Variants in HSPG2 observed in about 807,000 individuals in gnomAD.
HSPG2 encodes the protein basement membrane-specific heparan sulfate proteoglycan core protein.
HSPG2 carries 278 observed loss-of-function variants against 526.6 expected under a neutral mutation model. The ratio of observed to expected loss-of-function variants is 0.53; its 90% CI spans 0.48 to 0.58. The LOEUF (loss-of-function observed/expected upper bound fraction) is 0.58, where lower values mean the gene tolerates loss of function less well. Ranked by LOEUF, HSPG2 falls within the 20% of genes least tolerant of loss-of-function variation. The pLI is 0.00. For synonymous variants in HSPG2, 2,465 were observed against 2,555.4 expected (o/e 0.96, Z 1.07); for missense variants, 5,354 against 6,099.5 (o/e 0.88, Z 4.07).
intron 91 of HSPG2, 90 bp downstream of exon 91, chr1:21,827,773 G>T: frequency 7.4e-7 from 1 of 1,352,074 alleles, no homozygotes; most frequent in Non-Finnish European, 1.0e-6. Context: ...ATATAAAGCT[G>T]TTTTGCTTGC....
chr1:21,875,982 T>C lies in HSPG2; in HGVS notation c.3064A>G (p.Thr1022Ala). Reference sequence around the variant, plus strand: ...ACCAACGGCTGCCCGTGCAGGGGTGTGGAGCCCGGCTGGGACCTCTGGGTC... The same window carrying C: ...ACCAACGGCTGCCCGTGCAGGGGTGCGGAGCCCGGCTGGGACCTCTGGGTC... ...TVTQRSQPGS[T>A]PLHGQPLVVL... Residue 1022 changes from threonine (T) to alanine (A), a missense_variant, in exon 24 of 97, where the codon ACA becomes GCA. Thr to Ala is a moderately conservative substitution (Grantham distance 58). Coordinates refer to ENST00000374695, the MANE Select transcript of HSPG2 (RefSeq NM_005529.7). The C allele has an allele frequency of 6.2e-7, 1 of 1,614,174 alleles. No homozygotes were observed. The highest frequency in any genetic ancestry group is 8.5e-7 in the Non-Finnish European group (1 of 1,180,028).
At chr1:21,856,726 C>T (rs899155073) in intron 44 of HSPG2, among the ~76,000 whole-genome samples, 12 of 152,152 alleles carry the variant, frequency 7.9e-5, no homozygotes, top group Non-Finnish European at 5.9e-5. Context: ...CTTCTCCCAC[C>T]TTGTTTCTTG....
intron 13 of HSPG2, 63 bp downstream of exon 13, chr1:21,884,465 C>A (rs1641725903): frequency 2.5e-6 from 4 of 1,600,594 alleles, no homozygotes; most frequent in Non-Finnish European, 2.6e-6. Context: ...ATCCTCTGTG[C>A]CCCCTGGGTA....
intron 6 of HSPG2, 78 bp downstream of exon 6, chr1:21,889,903 G>C (rs1051241092): frequency 9.6e-6 from 14 of 1,464,568 alleles, no homozygotes; most frequent in Non-Finnish European, 1.2e-5. Context: ...AGCCCAAGTT[G>C]GGAGCCTATG....
chr1:21,841,321 A>C (rs1172022750), intron 70 of HSPG2, 36 bp from the exon 71 acceptor site: 2 of 1,611,288 alleles, frequency 1.2e-6, no homozygotes, highest in Admixed American at 3.3e-5. Flanking sequence ...ACACACAGGC[A>C]GGGCTCTGCT....
chr1:21,828,907 C>T lies in HSPG2; in HGVS notation c.12165G>A (p.Gly4055=), dbSNP rs1359110149. The part of the protein sequence containing the change: ...GLNLHTLLYL[G]GVEPSVPLSP... ...ACAGTGGCACGGAAGGCTCCACACC[C>T]CCCAGGTAGAGCAGGGTGTGCAGGT... The change falls in exon 88 of 97, where the codon GGG becomes GGA. Residue 4055 remains glycine, a synonymous_variant. Coordinates refer to ENST00000374695, the MANE Select transcript of HSPG2 (RefSeq NM_005529.7). This position sits in a 1 kb window ranked among gnomAD's most constrained non-coding sequence, Gnocchi z 6.0. 6.4e-7 allele frequency: 1 copy of T among 1,560,312 alleles called. No homozygotes were observed. The highest frequency in any genetic ancestry group is 8.7e-7 in the Non-Finnish European group (1 of 1,152,108).
chr1:21,881,633 C>T, intron 13 of HSPG2, 131 bp from the exon 14 acceptor site: 2 of 883,004 alleles, frequency 2.3e-6, no homozygotes, highest in Non-Finnish European at 3.5e-6. Flanking sequence ...TTTGATCTCT[C>T]TTCCAAAGTG....
intron 1 of HSPG2, chr1:21,908,191 C>T (rs1572426029): frequency 9.3e-6 from 8 of 856,192 alleles, no homozygotes; most frequent in Admixed American, 3.4e-5. Flanking sequence ...CACGTATATG[C>T]GAATCTATAA....
intron 29 of HSPG2, 38 bp downstream of exon 29, chr1:21,873,887 T>C: frequency 6.6e-7 from 1 of 1,512,578 alleles, no homozygotes; most frequent in Non-Finnish European, 9.0e-7. Flanking sequence ...GGACACCCCC[T>C]GTGCGCATCC....
intron 1 of HSPG2, among the ~76,000 whole-genome samples, chr1:21,926,275 A>G (rs1033244573): frequency 6.6e-6 from 1 of 152,130 alleles, no homozygotes; most frequent in Admixed American, 6.5e-5. Context: ...TTTTAATGAG[A>G]AGGTGTCAGC....
Position 21,898,956 on chromosome 1 carries a change from T to G in HSPG2, c.64-2646A>C, listed in dbSNP as rs1391755085. On this transcript the variant is annotated intron_variant, in intron 1 of 96. Coordinates refer to ENST00000374695, the MANE Select transcript of HSPG2 (RefSeq NM_005529.7). The surrounding 1 kb of genome is among the most constrained non-coding windows in gnomAD (Gnocchi z 4.0). The stretch of plus-strand genomic sequence containing the variant: ...CAGCGGGTGGCGGCGGGGGTGGCCT[T>G]GGGACCAGACAGGAAATAGCAAAGT... Among the ~76,000 whole-genome samples, 2 of 152,160 alleles carry G rather than the reference T, an allele frequency of 1.3e-5. No homozygotes were observed. The highest frequency in any genetic ancestry group is 2.9e-5 in the Non-Finnish European group (2 of 68,024).
At chr1:21,884,953 C>T (rs1292365648) in intron 11 of HSPG2, 35 bp from the exon 12 acceptor site, 1 of 1,613,972 alleles carries the variant, frequency 6.2e-7, no homozygotes, top group Non-Finnish European at 8.5e-7. Context: ...AGGATCTGGC[C>T]TAGGGCTCTG....
chr1:21,870,845 G>A (rs779015654), intron 33 of HSPG2: 19 of 986,086 alleles, frequency 1.9e-5, no homozygotes, highest in Non-Finnish European at 2.0e-5. Flanking sequence ...TGGTGAGCCC[G>A]GCGCATCCGC....
intron 6 of HSPG2, chr1:21,888,599 C>A: frequency 1.6e-6 from 2 of 1,212,858 alleles, no homozygotes; most frequent in South Asian, 1.3e-5. Flanking sequence ...AGCCCCTGCA[C>A]CCGGCCTCCT....
At chr1:21,899,286 C>A (rs865816114) in intron 1 of HSPG2, among the ~76,000 whole-genome samples, 1 of 152,090 alleles carries the variant, frequency 6.6e-6, no homozygotes, top group African/African-American at 2.4e-5. Flanking sequence ...GCAGATGGAA[C>A]CAGACAGGAA....
At chr1:21,928,663 G>T (rs528081417) in intron 1 of HSPG2, among the ~76,000 whole-genome samples, 1 of 152,016 alleles carries the variant, frequency 6.6e-6, no homozygotes, top group Non-Finnish European at 1.5e-5. Context: ...GGCTGGTCTC[G>T]AACTCCTGAC....
In HSPG2 at chr1:21,829,460, T is replaced by C. The variant is rs2097992223; in HGVS notation, c.11915A>G (p.Lys3972Arg). ...PDGVLLFSGG[K>R]SGPVEDFVSL... ...CACGAAGTCCTCCACAGGCCCGCTCTTCCCCCCGCTGAACAGCAGGACCCC... is the reference window on the plus strand; with the variant it reads ...CACGAAGTCCTCCACAGGCCCGCTCCTCCCCCCGCTGAACAGCAGGACCCC... Residue 3972 changes from lysine (K) to arginine (R), a missense_variant, in exon 87 of 97, where the codon AAG (lysine) becomes AGG (arginine). By Grantham distance (26) the Lys-to-Arg change is conservative (BLOSUM62 2). Coordinates refer to ENST00000374695, the MANE Select transcript of HSPG2 (RefSeq NM_005529.7). 1 of 1,613,324 alleles carries C rather than the reference T, an allele frequency of 6.2e-7. No homozygotes were observed. Among genetic ancestry groups the C allele is most frequent in the African/African-American group, 1.3e-5 (1 of 75,036 alleles).
In HSPG2 at chr1:21,830,988, G is replaced by A. The variant is rs2098001473; in HGVS notation, c.11665C>T (p.His3889Tyr). 1.3e-6 allele frequency: 2 copies of A among 1,578,718 alleles called. No individual in the cohort carries two copies. The highest frequency in any genetic ancestry group is 1.7e-6 in the Non-Finnish European group (2 of 1,161,332). The change falls in exon 85 of 97, where the codon CAT (histidine) becomes TAT (tyrosine). Residue 3889 changes from histidine (H) to tyrosine (Y), a missense_variant. His to Tyr is a moderately conservative substitution (Grantham distance 83, BLOSUM62 2). Coordinates refer to ENST00000374695, the MANE Select transcript of HSPG2 (RefSeq NM_005529.7). ...RCEHSQALHC[H>Y]PEACGPDATC... ...TGGCGGTCGGGGTGCGTACCTGGAT[G>A]GCAGTGCAGGGCCTGCGAGTGCTCA... is the stretch of plus-strand genomic sequence containing the variant.
chr1:21,929,794 C>T (rs992656296), intron 1 of HSPG2, among the ~76,000 whole-genome samples: 1 of 152,086 alleles, frequency 6.6e-6, no homozygotes, highest in Non-Finnish European at 1.5e-5. Context: ...TTCTGTCCCG[C>T]CCCACATCCA....
Sources: gnomAD v4.1 joint callset for allele counts (sites outside exome capture counted in the v4.1 genomes callset) on GRCh38, gnomAD v4.1.1 for gene constraint, Gnocchi (gnomAD v3.1) non-coding constraint, MANE v1.5 for transcripts, NCBI Gene and HGNC (gene_info 2026-07-23, HGNC 2026-07-21) for gene names.